ADGRL2: variants seen among roughly 807,000 people sequenced by gnomAD.
ADGRL2 encodes the protein adhesion G protein-coupled receptor L2, also known as calcium-independent alpha-latrotoxin receptor 2.
ADGRL2 carries 44 observed loss-of-function variants against 157.4 expected under a neutral mutation model. The observed-to-expected ratio is 0.28, with a 90% CI of 0.22 to 0.36. The LOEUF (loss-of-function observed/expected upper bound fraction) is 0.36. ADGRL2 is among the 10% of genes least tolerant of loss of function. The probability of loss-of-function intolerance (pLI) is 1.00; values close to 1 mark genes in which losing one functional copy is unlikely to be tolerated. For missense variants in ADGRL2, 1,510 were observed against 1,768.9 expected (o/e 0.85, Z 2.63); for synonymous variants, 585 against 624.7 (o/e 0.94, Z 0.95).
At chr1:81,909,396 G>A (rs447267) in intron 3 of ADGRL2, among the ~76,000 whole-genome samples, 118,369 of 152,038 alleles carry the variant, frequency 0.78, 46,316 homozygotes, top group East Asian at 0.94. Context: ...CATAGAAACA[G>A]GCAAACAGAA....
chr1:81,338,306 T>C (rs2100744787), intron 1 of ADGRL2, among the ~76,000 whole-genome samples: 1 of 152,236 alleles, frequency 6.6e-6, no homozygotes, highest in South Asian at 2.1e-4. Flanking sequence ...GAAGTTGCAG[T>C]GAGCCAAGAT....
At chr1:81,623,018 A>G (rs988423261) in intron 3 of ADGRL2, among the ~76,000 whole-genome samples, 1 of 152,214 alleles carries the variant, frequency 6.6e-6, no homozygotes, top group Non-Finnish European at 1.5e-5. Context: ...CAGAATTTTC[A>G]ATTTTAATGA....
Position 81,850,028 on chromosome 1 carries a change from T to TGAGC in ADGRL2, c.73+12972_73+12973insAGCG, listed in dbSNP as rs67914903. On this transcript the variant is annotated intron_variant, in intron 2 of 23. Coordinates refer to ENST00000686636, the MANE Select transcript of ADGRL2 (RefSeq NM_001366006.2). ...ATTGTGCTATAGTCAGTGGACAGAC[T>TGAGC]GTTTGACTCGTCCTGCCGAAATACT... Among the ~76,000 whole-genome samples, 24 of 112,376 alleles carry TGAGC rather than the reference T, an allele frequency of 2.1e-4. No individual in the cohort carries two copies. The East Asian group carries it at 7.0e-3, about 33-fold the overall frequency. The allele number at this position is 112,376 out of a possible 152,430, so 73.7% of individuals were successfully genotyped here.
chr1:81,852,196 A>G (rs911155507), intron 2 of ADGRL2, among the ~76,000 whole-genome samples: 1 of 152,092 alleles, frequency 6.6e-6, no homozygotes, highest in Non-Finnish European at 1.5e-5. Context: ...TTATTTTGTC[A>G]GACTTTATTC....
At chr1:81,773,324 T>C (rs2086450781) in intron 2 of ADGRL2, among the ~76,000 whole-genome samples, 1 of 152,148 alleles carries the variant, frequency 6.6e-6, no homozygotes, top group Non-Finnish European at 1.5e-5. Flanking sequence ...ATAAAGAAAA[T>C]TAAATTCTGA....
At chr1:81,332,271 A>C (rs1661325448) in intron 1 of ADGRL2, among the ~76,000 whole-genome samples, 1 of 152,196 alleles carries the variant, frequency 6.6e-6, no homozygotes, top group South Asian at 2.1e-4. Flanking sequence ...TAGAATATAT[A>C]CTCACAACTT....
At chr1:81,447,120 G>A (rs553998894) in intron 2 of ADGRL2, among the ~76,000 whole-genome samples, 1 of 152,070 alleles carries the variant, frequency 6.6e-6, no homozygotes, top group South Asian at 2.1e-4. Flanking sequence ...TGGCAAAGTA[G>A]AAGTGATATT....
At chr1:81,539,354 G>T (rs747321905) in intron 2 of ADGRL2, among the ~76,000 whole-genome samples, 1 of 151,958 alleles carries the variant, frequency 6.6e-6, no homozygotes, top group East Asian at 1.9e-4. Context: ...ACTGTAAAAC[G>T]CATATTGACA....
At chr1:81,523,126 C>A (rs546707534) in intron 2 of ADGRL2, among the ~76,000 whole-genome samples, 3 of 152,200 alleles carry the variant, frequency 2.0e-5, no homozygotes, top group Admixed American at 2.0e-4. Flanking sequence ...GAACAAAAAA[C>A]ACTTGCATAG....
chr1:81,973,088 A>G (rs949916871), intron 17 of ADGRL2, among the ~76,000 whole-genome samples: 5 of 152,158 alleles, frequency 3.3e-5, no homozygotes, highest in Non-Finnish European at 5.9e-5. Flanking sequence ...GTTTCATGAA[A>G]TTGAGAAAAA....
intron 2 of ADGRL2, among the ~76,000 whole-genome samples, chr1:81,453,155 T>C (rs570139233): frequency 4.6e-5 from 7 of 152,144 alleles, no homozygotes; most frequent in African/African-American, 4.8e-5. Flanking sequence ...ATGTGATACA[T>C]TGGGGGAAAA....
chr1:81,388,725 A>G (rs1482589064), intron 1 of ADGRL2, among the ~76,000 whole-genome samples: 2 of 152,084 alleles, frequency 1.3e-5, no homozygotes, highest in African/African-American at 2.4e-5. Flanking sequence ...TTGATCTTGA[A>G]CTTCCCAGAC....
chr1:81,474,443 T>C (rs1054051410), intron 2 of ADGRL2, among the ~76,000 whole-genome samples: 1 of 152,192 alleles, frequency 6.6e-6, no homozygotes, highest in African/African-American at 2.4e-5. Flanking sequence ...CATGATATGA[T>C]TGAAGCAGTA....
At chr1:81,747,357 A>G (rs1194581274) in intron 1 of ADGRL2, among the ~76,000 whole-genome samples, 1 of 150,166 alleles carries the variant, frequency 6.7e-6, no homozygotes, top group Non-Finnish European at 1.5e-5. Context: ...CTGGAGTGCA[A>G]TGGTGTGATC....
chr1:81,496,579 T>A (rs1395874784), intron 2 of ADGRL2, among the ~76,000 whole-genome samples: 2 of 152,122 alleles, frequency 1.3e-5, no homozygotes, highest in Non-Finnish European at 2.9e-5. Flanking sequence ...TGTGGTATTT[T>A]AGGTTGACTC....
intron 2 of ADGRL2, among the ~76,000 whole-genome samples, chr1:81,461,220 T>C (rs987600942): frequency 1.3e-5 from 2 of 152,222 alleles, no homozygotes; most frequent in Non-Finnish European, 2.9e-5. Flanking sequence ...TAAATGTTTT[T>C]AAAGCAGAAC....
chr1:81,361,421 A>C (rs1463360598), intron 1 of ADGRL2, among the ~76,000 whole-genome samples: 2 of 151,880 alleles, frequency 1.3e-5, no homozygotes, highest in Non-Finnish European at 1.5e-5. Flanking sequence ...TAGCACTTTA[A>C]AATTGACAAA....
intron 1 of ADGRL2, among the ~76,000 whole-genome samples, chr1:81,802,137 C>G (rs1345149567): frequency 6.6e-6 from 1 of 150,912 alleles, no homozygotes; most frequent in Non-Finnish European, 1.5e-5. Flanking sequence ...GGCCTCGGCC[C>G]TCTCCGGCCG....
chr1:81,599,443 G>A (rs184007263), intron 3 of ADGRL2, among the ~76,000 whole-genome samples: 224 of 152,220 alleles, frequency 1.5e-3, no homozygotes, highest in African/African-American at 5.3e-3. Context: ...GAGGTAGAAG[G>A]TAAAAGTGAG....
Sources: gnomAD v4.1 joint callset for allele counts (sites outside exome capture counted in the v4.1 genomes callset) on GRCh38, gnomAD v4.1.1 for gene constraint, MANE v1.5 for transcripts, NCBI Gene and HGNC (gene_info 2026-07-23, HGNC 2026-07-21) for gene names.